The following XPO4 variants were observed in gnomAD, a reference collection of about 807,000 sequenced individuals.
XPO4 encodes the protein exportin-4.
In XPO4, 39 loss-of-function variants were observed where a neutral mutation model predicts 143.0. That is an observed-to-expected ratio of 0.27 (90% CI 0.21 to 0.36). The LOEUF is 0.36. Among genes scored for constraint, XPO4 ranks in the 10% least tolerant of loss-of-function variants. The pLI, the probability that XPO4 is intolerant of heterozygous loss-of-function variation, is 1.00. For synonymous variants in XPO4, 439 were observed against 474.0 expected, an observed-to-expected ratio of 0.93 and a Z score of 0.96; for missense variants, 907 against 1,348.0, an observed-to-expected ratio of 0.67 and a Z score of 5.12.
rs994856095 is a variant in XPO4 at position 20,779,455 on chromosome 13, A to C, written c.*4267T>G. On this transcript the variant is annotated 3_prime_UTR_variant, in exon 23 of 23. Transcript: ENST00000255305. ...CAGTTCCTAATAGCTAAGAGGCCTA[A>C]GAATGCAGACGGGGAGAAAAAAAAC... 1 of 152,562 alleles carries C rather than the reference A, an allele frequency of 6.6e-6. No individual in the cohort carries two copies. The highest frequency in any genetic ancestry group is 1.5e-5 in the Non-Finnish European group (1 of 68,036). 9.5% of individuals were successfully genotyped at this position (152,562 alleles called of 1,614,324 possible).
chr13:20,888,347 T>A (rs1268070340), intron 1 of XPO4, among the ~76,000 whole-genome samples: 1 of 151,718 alleles, frequency 6.6e-6, no homozygotes, highest in Non-Finnish European at 1.5e-5. Flanking sequence ...AGAAACCTGG[T>A]GGGGGTTTTG....
chr13:20,888,757 T>C (rs2060483542), intron 1 of XPO4, among the ~76,000 whole-genome samples: 1 of 152,156 alleles, frequency 6.6e-6, no homozygotes, highest in Non-Finnish European at 1.5e-5. Flanking sequence ...ACAAAAGACA[T>C]TTCACATTCA....
intron 1 of XPO4, among the ~76,000 whole-genome samples, chr13:20,883,855 C>T (rs756689026): frequency 2.6e-5 from 4 of 152,196 alleles, no homozygotes; most frequent in Admixed American, 2.6e-4. Context: ...GCAACCTCCG[C>T]CTCCTGGGTT....
rs747075370 is a variant in XPO4, at chr13:20,809,106, T to A, written c.1470A>T (p.Glu490Asp). The part of the protein sequence containing the change: ...SVGMLGRIAA[E>D]HCIPLLTSLL... ...ACCTTGTCAGAAGAGGTATACAGTG[T>A]TCTGCAGCAATTCTTCCTAGCATTC... The change falls in exon 11 of 23, where the codon GAA becomes GAT. Residue 490 changes from glutamate to aspartate, a missense_variant. Glu to Asp is a conservative substitution (Grantham distance 45). Transcript: ENST00000255305. 36 of 1,614,008 alleles carry A rather than the reference T, an allele frequency of 2.2e-5. No homozygotes were observed. The East Asian group carries it at 6.7e-4, about 30-fold the overall frequency.
At chr13:20,815,679 G>C (rs1933570204) in intron 9 of XPO4, among the ~76,000 whole-genome samples, 2 of 152,132 alleles carry the variant, frequency 1.3e-5, no homozygotes, top group African/African-American at 2.4e-5. Flanking sequence ...TAAATAACGT[G>C]TTAGATATGT....
chr13:20,857,089 A>G (rs546325750), intron 3 of XPO4, among the ~76,000 whole-genome samples: 1 of 152,338 alleles, frequency 6.6e-6, no homozygotes, highest in South Asian at 2.1e-4. Flanking sequence ...ATACACTTGA[A>G]CCATTTATCT....
intron 9 of XPO4, among the ~76,000 whole-genome samples, chr13:20,810,351 T>C (rs1053241348): frequency 6.6e-6 from 1 of 152,166 alleles, no homozygotes; most frequent in African/African-American, 2.4e-5. Flanking sequence ...TTTAAGAATA[T>C]GTGGGGAGAA....
At chr13:20,849,161 G>C in intron 4 of XPO4, 1 of 985,370 alleles carries the variant, frequency 1.0e-6, no homozygotes, top group Non-Finnish European at 1.2e-6. Context: ...ATAATAGCCT[G>C]GCTCTTACCC....
chr13:20,792,368 G>A (rs184721851), intron 18 of XPO4, among the ~76,000 whole-genome samples: 51 of 152,056 alleles, frequency 3.4e-4, no homozygotes, highest in African/African-American at 1.1e-3. Context: ...TGAGACAGGC[G>A]GATCACGAGG....
intron 1 of XPO4, chr13:20,869,393 A>G (rs931157546): frequency 4.7e-6 from 2 of 421,776 alleles, no homozygotes; most frequent in Non-Finnish European, 6.3e-6. Flanking sequence ...TCTACCTAAA[A>G]CGTACATTCC....
chr13:20,810,489 A>G (rs530145312), intron 9 of XPO4, among the ~76,000 whole-genome samples: 1 of 152,364 alleles, frequency 6.6e-6, no homozygotes, highest in Admixed American at 6.5e-5. Context: ...TATTAGAGAA[A>G]TACCAAAAGT....
chr13:20,827,890 G>A (rs1049363406), intron 6 of XPO4, among the ~76,000 whole-genome samples: 5 of 152,082 alleles, frequency 3.3e-5, no homozygotes, highest in African/African-American at 1.2e-4. Context: ...ATATTTGTAG[G>A]TTTTTATGAA....
At chr13:20,827,207 T>C (rs529708916) in intron 6 of XPO4, 28 bp from the exon 7 acceptor site, 8 of 1,478,954 alleles carry the variant, frequency 5.4e-6, no homozygotes, top group East Asian at 4.5e-5. Context: ...TCAACAACAA[T>C]AACATTCTTA....
At chr13:20,870,490 C>T (rs964041896) in intron 1 of XPO4, among the ~76,000 whole-genome samples, 2 of 151,576 alleles carry the variant, frequency 1.3e-5, no homozygotes. Flanking sequence ...GTGGCTCATG[C>T]CCGTAATCCC....
chr13:20,800,402 C>A, intron 14 of XPO4, 77 bp from the exon 15 acceptor site: 2 of 1,411,728 alleles, frequency 1.4e-6, no homozygotes, highest in Non-Finnish European at 1.9e-6. Flanking sequence ...AAAAATCGAA[C>A]TGAAATTAGT....
intron 18 of XPO4, among the ~76,000 whole-genome samples, chr13:20,792,777 T>C (rs764086344): frequency 1.2e-4 from 18 of 151,160 alleles, no homozygotes; most frequent in Non-Finnish European, 2.5e-4. Flanking sequence ...GCTTTTATTA[T>C]TTATTAATTA....
chr13:20,887,099 GCAAA>G (rs1192630253), intron 1 of XPO4, among the ~76,000 whole-genome samples: 1 of 152,000 alleles, frequency 6.6e-6, no homozygotes, highest in African/African-American at 2.4e-5. Flanking sequence ...TAAAAGGATA[GCAAA>G]CAAATTTATT....
rs1566550392 is a variant in XPO4, at chr13:20,783,935, A to G, written c.3259-16T>C. The G allele has an allele frequency of 6.2e-7, 1 of 1,609,542 alleles. No homozygotes were observed. Among genetic ancestry groups the G allele is most frequent in the Admixed American group, 1.7e-5 (1 of 60,020 alleles). On this transcript the variant is annotated splice_polypyrimidine_tract_variant and intron_variant, in intron 22 of 22. Coordinates refer to ENST00000255305, the MANE Select transcript of XPO4 (RefSeq NM_022459.5). The stretch of plus-strand genomic sequence containing the variant: ...AATATTCAGCCTATTGAAGAGATAA[A>G]GTATACACAAGTATCCTCCTTAGAA...
At chr13:20,789,751 C>T (rs920113700) in intron 19 of XPO4, among the ~76,000 whole-genome samples, 3 of 151,918 alleles carry the variant, frequency 2.0e-5, no homozygotes, top group Non-Finnish European at 1.5e-5. Flanking sequence ...GTCTTTATCT[C>T]GTGTGTGTGT....
Sources: allele counts gnomAD v4.1 joint callset (sites outside exome capture counted in the v4.1 genomes callset), GRCh38; gene constraint gnomAD v4.1.1; transcripts MANE v1.5; gene names NCBI Gene and HGNC (gene_info 2026-07-23, HGNC 2026-07-21).